Variants in SMAP1 observed in about 807,000 individuals in gnomAD.
SMAP1 encodes small ArfGAP 1, also known as stromal membrane-associated protein 1.
SMAP1 carries 24 observed loss-of-function variants against 58.5 expected under a neutral mutation model. The ratio of observed to expected loss-of-function variants is 0.41; its 90% CI spans 0.30 to 0.58. The LOEUF (loss-of-function observed/expected upper bound fraction) is 0.58. Among genes scored for constraint, SMAP1 ranks in the 20% least tolerant of loss-of-function variants. SMAP1 has a pLI of 0.29. For synonymous variants in SMAP1, 216 were observed against 196.6 expected (o/e 1.10, Z -0.82); for missense variants, 563 against 566.3 (o/e 0.99, Z 0.06).
intron 2 of SMAP1, among the ~76,000 whole-genome samples, chr6:70,742,175 G>T (rs185617361): frequency 1.3e-5 from 2 of 152,318 alleles, no homozygotes; most frequent in East Asian, 3.9e-4. Context: ...TTCTGCAACC[G>T]GGTTGAATTT....
At chr6:70,767,964 T>C (rs1407736800) in intron 3 of SMAP1, among the ~76,000 whole-genome samples, 5 of 148,460 alleles carry the variant, frequency 3.4e-5, no homozygotes, top group African/African-American at 1.2e-4. Flanking sequence ...GCATGAAGGG[T>C]TGTTGAATTT....
intron 4 of SMAP1, among the ~76,000 whole-genome samples, chr6:70,783,352 A>G (rs1026882646): frequency 3.2e-4 from 48 of 152,212 alleles, no homozygotes; most frequent in African/African-American, 1.1e-3. Context: ...AAGATGGGGA[A>G]AAAACAGAGC....
chr6:70,802,497 A>T (rs1247431191), intron 6 of SMAP1, among the ~76,000 whole-genome samples: 1 of 151,846 alleles, frequency 6.6e-6, no homozygotes, highest in East Asian at 1.9e-4. Flanking sequence ...AGTACCCTTT[A>T]TTTTTTTCTG....
chr6:70,701,832 A>G (rs540156764), intron 1 of SMAP1, among the ~76,000 whole-genome samples: 2 of 152,176 alleles, frequency 1.3e-5, no homozygotes, highest in African/African-American at 4.8e-5. Flanking sequence ...TTTGGTTCTT[A>G]TGAAGGTGAT....
chr6:70,825,958 G>A (rs1414743017), intron 6 of SMAP1, among the ~76,000 whole-genome samples: 1 of 152,162 alleles, frequency 6.6e-6, no homozygotes, highest in African/African-American at 2.4e-5. Flanking sequence ...GTGTCCATGT[G>A]CATAACTAGA....
chr6:70,721,571 C>T (rs750687039), intron 1 of SMAP1, among the ~76,000 whole-genome samples: 1 of 152,178 alleles, frequency 6.6e-6, no homozygotes, highest in Non-Finnish European at 1.5e-5. Flanking sequence ...AAAGTTGCTT[C>T]CACATTTTTG....
chr6:70,690,649 C>T (rs966556285), intron 1 of SMAP1, among the ~76,000 whole-genome samples: 1 of 151,146 alleles, frequency 6.6e-6, no homozygotes, highest in Non-Finnish European at 1.5e-5. Context: ...CATTAAACTG[C>T]ATTCCTGGGA....
chr6:70,716,168 TG>T (rs1477694921), intron 1 of SMAP1, among the ~76,000 whole-genome samples: 2 of 152,242 alleles, frequency 1.3e-5, no homozygotes, highest in Non-Finnish European at 2.9e-5. Context: ...TTGGGAATTG[TG>T]CTGCTGTAAA....
intron 1 of SMAP1, among the ~76,000 whole-genome samples, chr6:70,704,406 A>G (rs79108278): frequency 0.01 from 1,546 of 152,342 alleles, 31 homozygotes; most frequent in African/African-American, 0.035. Flanking sequence ...TGCTCTTCAT[A>G]TATAAATTTG....
At position 70,690,240 on chromosome 6, in the gene SMAP1, A is replaced by G. The variant is rs148260870; in HGVS notation, c.118+22099A>G. 5.5e-3 allele frequency among the ~76,000 whole-genome samples: 843 copies of G among 152,292 alleles called. 6 individuals carry two copies. The highest frequency in any genetic ancestry group is 0.031 in the Middle Eastern group (9 of 294). ...TAGGTTGCTGAGAATTTTCATCAGA[A>G]ATGTATGTTGAATTTTATCAAATGC... On this transcript the variant is annotated intron_variant, in intron 1 of 10. Coordinates refer to ENST00000370455, the MANE Select transcript of SMAP1 (RefSeq NM_001044305.3).
intron 1 of SMAP1, among the ~76,000 whole-genome samples, chr6:70,699,168 G>T (rs1767527255): frequency 6.6e-6 from 1 of 152,152 alleles, no homozygotes; most frequent in Non-Finnish European, 1.5e-5. Context: ...GTACTGCTTT[G>T]GTGGTCTTAG....
chr6:70,854,783 A>G (rs553051561), intron 8 of SMAP1, among the ~76,000 whole-genome samples: 18 of 152,286 alleles, frequency 1.2e-4, no homozygotes, highest in African/African-American at 4.1e-4. Flanking sequence ...TGTGGACACC[A>G]AGATTTTGAA....
chr6:70,704,239 A>T (rs545277920), intron 1 of SMAP1, among the ~76,000 whole-genome samples: 1 of 152,356 alleles, frequency 6.6e-6, no homozygotes, highest in East Asian at 1.9e-4. Flanking sequence ...AACAAATTAC[A>T]GGAGAAAATG....
At chr6:70,703,187 C>T (rs1333718414) in intron 1 of SMAP1, among the ~76,000 whole-genome samples, 1 of 152,128 alleles carries the variant, frequency 6.6e-6, no homozygotes, top group Non-Finnish European at 1.5e-5. Flanking sequence ...AGCGATTCTC[C>T]TGCTTCAGCC....
At chr6:70,714,456 TC>T (rs976951122) in intron 1 of SMAP1, among the ~76,000 whole-genome samples, 1 of 152,152 alleles carries the variant, frequency 6.6e-6, no homozygotes, top group African/African-American at 2.4e-5. Flanking sequence ...CAGCTTAACT[TC>T]TTTTCCATGC....
intron 1 of SMAP1, among the ~76,000 whole-genome samples, chr6:70,710,493 CAAAAAAA>C (rs35171922): frequency 2.7e-5 from 2 of 75,308 alleles, no homozygotes; most frequent in East Asian, 4.5e-4. Flanking sequence ...ACTCCCATCT[CAAAAAAA>C]AAAAAAAAAA....
intron 4 of SMAP1, among the ~76,000 whole-genome samples, chr6:70,778,350 A>G (rs951926999): frequency 1.3e-5 from 2 of 152,206 alleles, no homozygotes; most frequent in African/African-American, 4.8e-5. Context: ...TGGGTTTGTC[A>G]TATATGACCT....
intron 1 of SMAP1, among the ~76,000 whole-genome samples, chr6:70,724,841 T>C (rs1439551228): frequency 6.6e-6 from 1 of 151,992 alleles, no homozygotes; most frequent in Non-Finnish European, 1.5e-5. Flanking sequence ...AGAACTTTTT[T>C]CTTAATAAAA....
chr6:70,785,685 T>C (rs1159645701), intron 4 of SMAP1, among the ~76,000 whole-genome samples: 1 of 152,020 alleles, frequency 6.6e-6, no homozygotes, highest in African/African-American at 2.4e-5. Flanking sequence ...TCTACGCAAA[T>C]AAACTAGAAA....
Sources: gnomAD v4.1 joint callset for allele counts (sites outside exome capture counted in the v4.1 genomes callset) on GRCh38, gnomAD v4.1.1 for gene constraint, MANE v1.5 for transcripts, NCBI Gene and HGNC (gene_info 2026-07-23, HGNC 2026-07-21) for gene names.